The following TLN2 variants were observed in gnomAD, a reference collection of about 807,000 sequenced individuals.
The protein encoded by TLN2 is talin 2.
In TLN2, 118 loss-of-function variants were observed where a neutral mutation model predicts 294.7. The observed-to-expected ratio is 0.40, with a 90% CI of 0.34 to 0.47. The LOEUF (loss-of-function observed/expected upper bound fraction) is 0.47. TLN2 is among the 20% of genes least tolerant of loss of function. TLN2 has a pLI of 0.84. For missense variants in TLN2, 3,083 were observed against 3,282.2 expected (o/e 0.94, Z 1.48); for synonymous variants, 1,431 against 1,304.5 (o/e 1.10, Z -2.09).
intron 1 of TLN2, among the ~76,000 whole-genome samples, chr15:62,536,438 AT>A (rs1371770349): frequency 6.6e-6 from 1 of 152,226 alleles, no homozygotes; most frequent in Non-Finnish European, 1.5e-5. Context: ...ATTTGGGTGC[AT>A]TTTTGAAAAG....
intron 9 of TLN2, among the ~76,000 whole-genome samples, chr15:62,658,845 A>C (rs2053519890): frequency 6.6e-6 from 1 of 152,162 alleles, no homozygotes; most frequent in African/African-American, 2.4e-5. Context: ...GGCCCCTCAG[A>C]TACAACTGAT....
intron 12 of TLN2, among the ~76,000 whole-genome samples, chr15:62,689,571 C>G (rs1365097663): frequency 6.6e-6 from 1 of 152,064 alleles, no homozygotes; most frequent in African/African-American, 2.4e-5. Context: ...CATCTGCTAG[C>G]AACAAATTGA....
intron 11 of TLN2, among the ~76,000 whole-genome samples, chr15:62,685,532 A>G (rs563700844): frequency 1.1e-4 from 17 of 152,296 alleles, no homozygotes; most frequent in African/African-American, 3.9e-4. Flanking sequence ...GGACTTTTTA[A>G]GGGTTTGGAT....
At position 62,576,330 on chromosome 15, in the gene TLN2, G is replaced by A. The variant is rs2044395324; in HGVS notation, c.-237-13357G>A. ...CAAATAATATCATTTATGGGGAGAT[G>A]ATATGTAACATGTTTATGCATTTGT... is the stretch of plus-strand genomic sequence containing the variant. On this transcript the variant is annotated intron_variant, in intron 1 of 58. Transcript: ENST00000636159. 3.3e-5 allele frequency among the ~76,000 whole-genome samples: 5 copies of A among 152,064 alleles called. No homozygotes were observed. In the South Asian group the frequency reaches 1.0e-3, roughly 32 times the overall value.
intron 37 of TLN2, among the ~76,000 whole-genome samples, chr15:62,760,401 C>T (rs1023990763): frequency 7.9e-5 from 12 of 152,150 alleles, no homozygotes; most frequent in African/African-American, 2.9e-4. Flanking sequence ...GCTCCCATCT[C>T]AGATCTGCTT....
chr15:62,603,268 G>A (rs933459347), intron 2 of TLN2, among the ~76,000 whole-genome samples: 2 of 152,230 alleles, frequency 1.3e-5, no homozygotes, highest in South Asian at 2.1e-4. Flanking sequence ...AAAAAATTAC[G>A]GTTTATCGTT....
At chr15:62,426,942 A>G (rs955425700) in intron 1 of TLN2, among the ~76,000 whole-genome samples, 10 of 152,188 alleles carry the variant, frequency 6.6e-5, no homozygotes, top group African/African-American at 2.4e-4. Flanking sequence ...TTTTATTAGT[A>G]ACAAGCCACC....
In TLN2 at chr15:62,686,758, G is replaced by A. The variant is rs756386098; in HGVS notation, c.1075G>A (p.Val359Ile). Residue 359 changes from valine (V) to isoleucine (I), a missense_variant, in exon 12 of 59, where the codon GTC (valine) becomes ATC (isoleucine). Transcript: ENST00000636159. ...GCTGCAGGAGTGGCCCCTCACCACCGTCAAGCGCTGGGCAGCCTCACCCAA... is the reference window on the plus strand; with the variant it reads ...GCTGCAGGAGTGGCCCCTCACCACCATCAAGCGCTGGGCAGCCTCACCCAA... Reference protein sequence around the residue: ...EVLQEWPLTTVKRWAASPKSF... With the variant: ...EVLQEWPLTTIKRWAASPKSF... The A allele has an allele frequency of 1.0e-4, 165 of 1,613,488 alleles. No homozygotes were observed. The highest frequency in any genetic ancestry group is 1.3e-4 in the Non-Finnish European group (157 of 1,179,898).
At position 62,796,118 on chromosome 15, in the gene TLN2, T is replaced by G. The variant is rs1288617368; in HGVS notation, c.5884-9T>G. ...CTTAGCTCCCCTCACATTCCCTTTCTGCCTACAGGTCTCCTTGGTGCTCTC... is the reference window on the plus strand; with the variant it reads ...CTTAGCTCCCCTCACATTCCCTTTCGGCCTACAGGTCTCCTTGGTGCTCTC... On this transcript the variant is annotated splice_polypyrimidine_tract_variant and intron_variant, in intron 46 of 58. Coordinates refer to ENST00000636159, the MANE Select transcript of TLN2 (RefSeq NM_015059.3). 1 of 1,611,704 alleles carries G rather than the reference T, an allele frequency of 6.2e-7. No homozygotes were observed. The highest frequency in any genetic ancestry group is 2.2e-5 in the East Asian group (1 of 44,896).
At chr15:62,702,721 G>T in intron 18 of TLN2, 45 bp from the exon 19 acceptor site, 1 of 1,582,396 alleles carries the variant, frequency 6.3e-7, no homozygotes, top group Non-Finnish European at 8.7e-7. Flanking sequence ...TGGCACTGGA[G>T]GAAATGCGTT....
intron 5 of TLN2, 70 bp downstream of exon 5, chr15:62,650,251 C>G (rs373630438): frequency 6.7e-7 from 1 of 1,485,230 alleles, no homozygotes; most frequent in Admixed American, 1.7e-5. Context: ...GACGCCAACA[C>G]GGTTACGCTA....
intron 1 of TLN2, among the ~76,000 whole-genome samples, chr15:62,551,663 C>G (rs1214793297): frequency 6.6e-6 from 1 of 152,164 alleles, no homozygotes; most frequent in Non-Finnish European, 1.5e-5. Flanking sequence ...CGTGCCATTG[C>G]ACTCCAGCCT....
chr15:62,738,191 C>G (rs1312787947), intron 29 of TLN2, 23 bp from the exon 30 acceptor site: 1 of 1,612,352 alleles, frequency 6.2e-7, no homozygotes, highest in Non-Finnish European at 8.5e-7. Context: ...CTTAAAGGTG[C>G]TTCTCTCTCT....
At chr15:62,567,196 C>T (rs1447235656) in intron 1 of TLN2, among the ~76,000 whole-genome samples, 1 of 152,224 alleles carries the variant, frequency 6.6e-6, no homozygotes, top group African/African-American at 2.4e-5. Context: ...CCAGCTCTTT[C>T]TTTCGGATCA....
rs1275086414 is a variant in TLN2, at chr15:62,698,871, A to G, written c.1587+4A>G. ...GCCACCTCTCGGCCAGGATATGGTAAATACTGTTCAGTGGTTTTCATGCCA... is the reference window on the plus strand; with the variant it reads ...GCCACCTCTCGGCCAGGATATGGTAGATACTGTTCAGTGGTTTTCATGCCA... On this transcript the variant is annotated splice_donor_region_variant and intron_variant, in intron 16 of 58. Transcript: ENST00000636159. 1 of 1,611,250 alleles carries G rather than the reference A, an allele frequency of 6.2e-7. No individual in the cohort carries two copies. Among genetic ancestry groups the G allele is most frequent in the Admixed American group, 1.7e-5 (1 of 59,938 alleles).
intron 1 of TLN2, among the ~76,000 whole-genome samples, chr15:62,576,522 G>C (rs895443781): frequency 6.6e-6 from 1 of 151,612 alleles, no homozygotes; most frequent in Non-Finnish European, 1.5e-5. Context: ...CAGGGAGGGA[G>C]CGCGAGAATT....
chr15:62,586,564 C>G (rs933852801), intron 1 of TLN2, among the ~76,000 whole-genome samples: 11 of 152,240 alleles, frequency 7.2e-5, no homozygotes, highest in African/African-American at 2.4e-4. Flanking sequence ...AATTTGTTTG[C>G]TAGAGATAAA....
chr15:62,832,971 C>T (rs2069032871), intron 54 of TLN2: 1 of 151,752 alleles, frequency 6.6e-6, no homozygotes, highest in South Asian at 2.1e-4. Flanking sequence ...GTATTTTGTT[C>T]ACAGTGAGTG....
intron 25 of TLN2, 82 bp from the exon 26 acceptor site, chr15:62,722,271 G>C: frequency 6.8e-7 from 1 of 1,460,462 alleles, no homozygotes; most frequent in South Asian, 1.4e-5. Context: ...TCTTACTGCT[G>C]TGGAGACCTC....
Sources: gnomAD v4.1 joint callset for allele counts (sites outside exome capture counted in the v4.1 genomes callset) on GRCh38, gnomAD v4.1.1 for gene constraint, MANE v1.5 for transcripts, NCBI Gene and HGNC (gene_info 2026-07-23, HGNC 2026-07-21) for gene names.